Variants in ADAM10 observed in about 807,000 individuals in gnomAD.
ADAM10 encodes the protein ADAM metallopeptidase domain 10.
In ADAM10, 17 loss-of-function variants were observed where a neutral mutation model predicts 90.1. The observed-to-expected ratio is 0.19, with a 90% CI of 0.13 to 0.28. The LOEUF (loss-of-function observed/expected upper bound fraction) is 0.28. ADAM10 is among the 10% of genes least tolerant of loss of function. The pLI, the probability that ADAM10 is intolerant of heterozygous loss-of-function variation, is 1.00. For missense variants in ADAM10, 610 were observed against 914.3 expected, an observed-to-expected ratio of 0.67 and a Z score of 4.29; for synonymous variants, 310 against 298.6, an observed-to-expected ratio of 1.04 and a Z score of -0.40.
chr15:58,720,917 A>G (rs1898830924), intron 1 of ADAM10, among the ~76,000 whole-genome samples: 2 of 152,238 alleles, frequency 1.3e-5, no homozygotes, highest in Admixed American at 6.5e-5. Context: ...CTGAGTTGCC[A>G]TAGCACAAGC....
chr15:58,620,136 A>C (rs547723721), intron 11 of ADAM10, among the ~76,000 whole-genome samples: 4 of 152,078 alleles, frequency 2.6e-5, no homozygotes, highest in Non-Finnish European at 5.9e-5. Flanking sequence ...TTTTCATACT[A>C]AAATCAAACT....
chr15:58,636,342 T>A (rs145130062), intron 8 of ADAM10, among the ~76,000 whole-genome samples: 1 of 152,074 alleles, frequency 6.6e-6, no homozygotes, highest in Non-Finnish European at 1.5e-5. Flanking sequence ...AGTAACTTGA[T>A]TATACAGGAA....
intron 8 of ADAM10, among the ~76,000 whole-genome samples, chr15:58,637,945 A>T (rs1400699352): frequency 1.3e-5 from 2 of 152,202 alleles, no homozygotes; most frequent in African/African-American, 4.8e-5. Context: ...TTTTAAAAAA[A>T]AAAATGTCAA....
chr15:58,651,593 T>C (rs1239338620), intron 5 of ADAM10, among the ~76,000 whole-genome samples: 1 of 152,242 alleles, frequency 6.6e-6, no homozygotes, highest in Non-Finnish European at 1.5e-5. Flanking sequence ...CAGAATCTAA[T>C]TCTGTTTTAT....
intron 2 of ADAM10, among the ~76,000 whole-genome samples, chr15:58,709,630 C>A (rs918097212): frequency 1.3e-4 from 20 of 152,044 alleles, no homozygotes; most frequent in African/African-American, 4.6e-4. Context: ...ATGCCAGCTA[C>A]TAGGTAGGCT....
chr15:58,643,718 T>G (rs932253085), intron 7 of ADAM10, among the ~76,000 whole-genome samples, 168 bp downstream of exon 7: 3 of 152,208 alleles, frequency 2.0e-5, no homozygotes, highest in Non-Finnish European at 4.4e-5. Flanking sequence ...TATCTGTGTG[T>G]GTGTGGGTGT....
At chr15:58,749,442 T>G in intron 1 of ADAM10, 38 bp downstream of exon 1, 1 of 1,519,220 alleles carries the variant, frequency 6.6e-7, no homozygotes, top group Non-Finnish European at 8.8e-7. Flanking sequence ...CGCTCCGCCG[T>G]GGTCGCGGCG....
At position 58,592,826 on chromosome 15, in the gene ADAM10, T is replaced by C. The variant is rs2140980204; in HGVS notation, c.*4721A>G. The C allele has an allele frequency of 6.6e-6, 1 of 150,814 alleles. No homozygotes were observed. The highest frequency in any genetic ancestry group is 1.9e-4 in the East Asian group (1 of 5,162). 9.3% of individuals were successfully genotyped at this position (150,814 alleles called of 1,614,324 possible). On this transcript the variant is annotated 3_prime_UTR_variant, in exon 16 of 16. Transcript: ENST00000260408. The stretch of plus-strand genomic sequence containing the variant: ...CTATCTGGGAGACAGTACCATAATT[T>C]TTATCAATGTCCCTCAAAAAACCTT...
intron 1 of ADAM10, among the ~76,000 whole-genome samples, chr15:58,730,217 G>C (rs1440124237): frequency 6.6e-6 from 1 of 152,050 alleles, no homozygotes; most frequent in East Asian, 1.9e-4. Context: ...GTACACCATG[G>C]GTGCTACCAT....
intron 4 of ADAM10, among the ~76,000 whole-genome samples, chr15:58,666,447 A>G (rs1270173312): frequency 2.0e-5 from 3 of 151,856 alleles, no homozygotes; most frequent in African/African-American, 7.2e-5. Context: ...TAGCAACTGA[A>G]TTTCCAGAGT....
chr15:58,675,805 AGTT>A (rs1897292944), intron 4 of ADAM10, among the ~76,000 whole-genome samples: 1 of 152,202 alleles, frequency 6.6e-6, no homozygotes, highest in African/African-American at 2.4e-5. Flanking sequence ...TTATGCCTTC[AGTT>A]GCAAAAACAG....
intron 14 of ADAM10, 42 bp from the exon 15 acceptor site, chr15:58,599,766 C>CA: frequency 6.4e-7 from 1 of 1,564,134 alleles, no homozygotes; most frequent in Non-Finnish European, 8.8e-7. Context: ...AAAAAAACTA[C>CA]AAAATATTTT....
chr15:58,622,417 T>TA (rs1437925236), intron 10 of ADAM10, among the ~76,000 whole-genome samples: 1 of 152,192 alleles, frequency 6.6e-6, no homozygotes, highest in African/African-American at 2.4e-5. Flanking sequence ...ACAGGTCTCT[T>TA]ATGTTCTTTT....
intron 11 of ADAM10, among the ~76,000 whole-genome samples, chr15:58,618,679 A>C (rs1895691632): frequency 6.6e-6 from 1 of 152,326 alleles, no homozygotes; most frequent in Non-Finnish European, 1.5e-5. Flanking sequence ...AAATAATCTC[A>C]TTAAAAAGTA....
chr15:58,617,390 C>A (rs1326135889), intron 11 of ADAM10, among the ~76,000 whole-genome samples: 1 of 151,846 alleles, frequency 6.6e-6, no homozygotes, highest in Non-Finnish European at 1.5e-5. Context: ...GAATAGAAAA[C>A]CTGGACAGAT....
At chr15:58,624,686 C>T (rs1290206994) in intron 10 of ADAM10, among the ~76,000 whole-genome samples, 5 of 152,124 alleles carry the variant, frequency 3.3e-5, no homozygotes, top group African/African-American at 7.2e-5. Flanking sequence ...GCGCACGCCA[C>T]CATGCCTCAC....
At position 58,693,647 on chromosome 15, in the gene ADAM10, T is replaced by C. The variant is rs186104050; in HGVS notation, c.207-11333A>G. ...GGAAACATCTAGAAGAAAACTGTCA[T>C]GGCCTTGGTAGTCAATGCTACCTTA... On this transcript the variant is annotated intron_variant, in intron 2 of 15. Transcript: ENST00000260408. Among the ~76,000 whole-genome samples the C allele has an allele frequency of 1.9e-4, 29 of 152,080 alleles. 1 individual carries two copies. The South Asian group carries it at 4.4e-3, about 23-fold the overall frequency.
intron 2 of ADAM10, among the ~76,000 whole-genome samples, chr15:58,714,835 T>C (rs1314020496): frequency 6.6e-6 from 1 of 152,140 alleles, no homozygotes; most frequent in Non-Finnish European, 1.5e-5. Flanking sequence ...AAGACTAATA[T>C]TTGTTAGACG....
At chr15:58,673,739 CTT>C (rs541236955) in intron 4 of ADAM10, among the ~76,000 whole-genome samples, 2 of 147,490 alleles carry the variant, frequency 1.4e-5, no homozygotes, top group African/African-American at 4.9e-5. Context: ...CTTTCTCTCT[CTT>C]TTTTTTTTTC....
Sources: gnomAD v4.1 joint callset for allele counts (sites outside exome capture counted in the v4.1 genomes callset) on GRCh38, gnomAD v4.1.1 for gene constraint, MANE v1.5 for transcripts, NCBI Gene and HGNC (gene_info 2026-07-23, HGNC 2026-07-21) for gene names.